The following TFDP2 variants were observed in gnomAD, a reference collection of about 807,000 sequenced individuals.
TFDP2 encodes the protein transcription factor Dp-2 (E2F dimerization partner 2).
In TFDP2, 17 loss-of-function variants were observed where a neutral mutation model predicts 59.3. That is an observed-to-expected ratio of 0.29 (90% CI 0.20 to 0.43). The LOEUF (loss-of-function observed/expected upper bound fraction) is 0.43. Among genes scored for constraint, TFDP2 ranks in the 20% least tolerant of loss-of-function variants. TFDP2 has a pLI of 1.00. For missense variants in TFDP2, 391 were observed against 528.8 expected (o/e 0.74, Z 2.56); for synonymous variants, 180 against 194.7 (o/e 0.92, Z 0.63).
At chr3:142,130,491 CTT>C (rs879723016) in intron 1 of TFDP2, among the ~76,000 whole-genome samples, 6 of 142,852 alleles carry the variant, frequency 4.2e-5, no homozygotes, top group African/African-American at 7.6e-5. Flanking sequence ...TTTACTATTT[CTT>C]TTTTTTTTTT....
intron 1 of TFDP2, among the ~76,000 whole-genome samples, chr3:142,148,208 AAGAG>A (rs1357858656): frequency 6.6e-6 from 1 of 152,152 alleles, no homozygotes; most frequent in East Asian, 1.9e-4. Context: ...GCTGAGCTAA[AAGAG>A]AGCCTTACTG....
chr3:141,971,555 A>C lies in TFDP2; in HGVS notation c.664-1414T>G, dbSNP rs182136691. On this transcript the variant is annotated intron_variant, in intron 8 of 12. Coordinates refer to ENST00000489671, the MANE Select transcript of TFDP2 (RefSeq NM_001178139.2). Reference sequence around the variant, plus strand: ...ACAGAGCAAGTCTCCAACTCAACAAAAAAAAAAAGAAAATTTATAGGAGCC... The same window carrying C: ...ACAGAGCAAGTCTCCAACTCAACAACAAAAAAAAGAAAATTTATAGGAGCC... Among the ~76,000 whole-genome samples, 463 of 151,938 alleles carry C rather than the reference A, an allele frequency of 3.0e-3. 2 individuals carry two copies. Among genetic ancestry groups the C allele is most frequent in the African/African-American group, 1.0e-2 (414 of 41,454 alleles).
At chr3:142,025,477 T>C (rs922969616) in intron 3 of TFDP2, among the ~76,000 whole-genome samples, 1 of 152,236 alleles carries the variant, frequency 6.6e-6, no homozygotes, top group Non-Finnish European at 1.5e-5. Context: ...AGTAACTTAT[T>C]GTCATGTCTA....
chr3:142,019,053 A>ATTTTTTT (rs62999460), intron 3 of TFDP2, among the ~76,000 whole-genome samples: 1 of 140,314 alleles, frequency 7.1e-6, no homozygotes, highest in Non-Finnish European at 1.6e-5. Context: ...TTCTTCGCAC[A>ATTTTTTT]TTTTTTTTTT....
At chr3:142,070,483 G>C (rs908224109) in intron 3 of TFDP2, among the ~76,000 whole-genome samples, 1 of 152,084 alleles carries the variant, frequency 6.6e-6, no homozygotes, top group African/African-American at 2.4e-5. Flanking sequence ...GCCTCCCTGT[G>C]CTGCCCAAGC....
At chr3:142,123,971 T>C (rs1311365659) in intron 1 of TFDP2, among the ~76,000 whole-genome samples, 1 of 152,192 alleles carries the variant, frequency 6.6e-6, no homozygotes, top group Middle Eastern at 3.4e-3. Flanking sequence ...AGCTTACTTA[T>C]ACACAAGAAC....
At chr3:142,027,542 CTTT>C (rs34463045) in intron 3 of TFDP2, among the ~76,000 whole-genome samples, 2 of 151,988 alleles carry the variant, frequency 1.3e-5, no homozygotes, top group African/African-American at 4.8e-5. Context: ...TTCCTTAAAA[CTTT>C]TTTAAGTAAA....
intron 2 of TFDP2, among the ~76,000 whole-genome samples, chr3:142,094,610 A>G (rs141604932): frequency 8.6e-5 from 13 of 151,828 alleles, no homozygotes; most frequent in South Asian, 2.1e-4. Flanking sequence ...CAGCCCTCAA[A>G]CTATACTTTC....
rs186036479 is a variant in TFDP2, at chr3:142,092,634, T to G, written c.82+427A>C. Among the ~76,000 whole-genome samples, 64 of 152,324 alleles carry G rather than the reference T, an allele frequency of 4.2e-4. No individual in the cohort carries two copies. The East Asian group carries it at 0.012, about 29-fold the overall frequency. On this transcript the variant is annotated intron_variant, in intron 3 of 12. Transcript: ENST00000489671. ...GCACCAAGCCAGTGGGCCAGATTTCTGATATAAGCATTCTTCCAGTAAGAC... is the reference window on the plus strand; with the variant it reads ...GCACCAAGCCAGTGGGCCAGATTTCGGATATAAGCATTCTTCCAGTAAGAC...
intron 3 of TFDP2, chr3:142,043,906 C>T (rs922777415): frequency 1.2e-5 from 11 of 950,014 alleles, no homozygotes; most frequent in Non-Finnish European, 1.6e-5. Context: ...AAGCAGCCGG[C>T]GCAGAATCCA....
rs900256601 is a variant in TFDP2, at chr3:141,952,410, G to C, written c.*103C>G. 2.6e-6 allele frequency: 3 copies of C among 1,155,432 alleles called. No individual in the cohort carries two copies. In the East Asian group the frequency reaches 8.1e-5, roughly 31 times the overall value. The allele number at this position is 1,155,432 out of a possible 1,614,324, so 71.6% of individuals were successfully genotyped here. On this transcript the variant is annotated 3_prime_UTR_variant, in exon 13 of 13. Transcript: ENST00000489671. ...TTCTCTAGTTTTCACTGAACACACA[G>C]TGCAAACAAAGGCAAAGACTGAAGC...
intron 4 of TFDP2, among the ~76,000 whole-genome samples, chr3:141,997,935 T>C (rs1324592177): frequency 6.6e-6 from 1 of 151,750 alleles, no homozygotes; most frequent in African/African-American, 2.4e-5. Flanking sequence ...TGGCTATCTT[T>C]ATGAAAATGA....
intron 1 of TFDP2, among the ~76,000 whole-genome samples, chr3:142,114,984 T>A (rs748291495): frequency 3.6e-4 from 54 of 152,076 alleles, no homozygotes; most frequent in Non-Finnish European, 6.6e-4. Context: ...AATAAAAAAA[T>A]TATATATGCT....
intron 3 of TFDP2, among the ~76,000 whole-genome samples, chr3:142,068,703 A>T (rs1018553121): frequency 6.6e-6 from 1 of 151,736 alleles, no homozygotes; most frequent in Non-Finnish European, 1.5e-5. Flanking sequence ...AGTAGCTGGG[A>T]CTACAGGTAC....
chr3:142,046,796 C>T (rs892382861), intron 3 of TFDP2, among the ~76,000 whole-genome samples: 4 of 152,206 alleles, frequency 2.6e-5, no homozygotes, highest in Middle Eastern at 3.4e-3. Context: ...CTATTTGTAG[C>T]TTTGCTTTTT....
At chr3:142,071,148 T>C (rs777337777) in intron 3 of TFDP2, among the ~76,000 whole-genome samples, 3 of 151,944 alleles carry the variant, frequency 2.0e-5, no homozygotes, top group Non-Finnish European at 2.9e-5. Context: ...ACAAGAACCA[T>C]TATCTTAAAG....
chr3:142,080,759 T>C (rs903605707), intron 3 of TFDP2, among the ~76,000 whole-genome samples: 1 of 152,216 alleles, frequency 6.6e-6, no homozygotes, highest in Non-Finnish European at 1.5e-5. Context: ...GGTCATTACA[T>C]AAAGGGGTCA....
At chr3:142,044,020 A>G (rs1373071926) in intron 3 of TFDP2, 3 of 676,870 alleles carry the variant, frequency 4.4e-6, no homozygotes, top group Middle Eastern at 8.6e-4. Flanking sequence ...CATCAAGCCC[A>G]GGAATGGACT....
At chr3:142,125,506 A>G (rs2062203590) in intron 1 of TFDP2, among the ~76,000 whole-genome samples, 1 of 152,152 alleles carries the variant, frequency 6.6e-6, no homozygotes, top group Non-Finnish European at 1.5e-5. Flanking sequence ...ACACACGCAC[A>G]CACACACATA....
Sources: allele counts gnomAD v4.1 joint callset (sites outside exome capture counted in the v4.1 genomes callset), GRCh38; gene constraint gnomAD v4.1.1; transcripts MANE v1.5; gene names NCBI Gene and HGNC (gene_info 2026-07-23, HGNC 2026-07-21).